The following KITLG variants were observed in gnomAD, a reference collection of about 807,000 sequenced individuals.
KITLG encodes the protein c-Kit ligand.
Under a neutral mutation model 34.1 loss-of-function variants are expected in KITLG, and 13 were observed. The ratio of observed to expected loss-of-function variants is 0.38; its 90% CI spans 0.25 to 0.61. KITLG has a LOEUF of 0.61. Ranked by LOEUF, KITLG falls within the 20% of genes least tolerant of loss-of-function variation. The pLI, the probability that KITLG is intolerant of heterozygous loss-of-function variation, is 0.60. For synonymous variants in KITLG, 110 were observed against 104.0 expected, an observed-to-expected ratio of 1.06 and a Z score of -0.35; for missense variants, 292 against 318.9, an observed-to-expected ratio of 0.92 and a Z score of 0.64.
intron 2 of KITLG, among the ~76,000 whole-genome samples, chr12:88,537,758 C>A: frequency 6.6e-6 from 1 of 152,060 alleles, no homozygotes; most frequent in East Asian, 1.9e-4. Context: ...TATTGACTCA[C>A]CTTCCAGAAA....
intron 1 of KITLG, among the ~76,000 whole-genome samples, chr12:88,553,659 A>G (rs906638): frequency 0.67 from 101,912 of 152,036 alleles, 37,326 homozygotes; most frequent in Middle Eastern, 0.86. Flanking sequence ...TTATTCCCCC[A>G]CAACACACAA....
chr12:88,580,236 T>A, intron 1 of KITLG, 28 bp downstream of exon 1: 1 of 1,602,048 alleles, frequency 6.2e-7, no homozygotes, highest in South Asian at 1.1e-5. Context: ...CTGGAGAGCC[T>A]GGGAGCTCCC....
rs1868655856 is a variant in KITLG, at chr12:88,496,774, A to T, written c.*445T>A. ...CCCTTTGAGAAAAATTGTTACCCTC[A>T]CTATCCAAGCTGAAATCTACTTGCA... On this transcript the variant is annotated 3_prime_UTR_variant, in exon 10 of 10. Transcript: ENST00000644744. 6.5e-6 allele frequency: 1 copy of T among 153,314 alleles called. No homozygotes were observed. The allele number at this position is 153,314 out of a possible 1,614,324, so 9.5% of individuals were successfully genotyped here. A position where few individuals can be genotyped will look rare whatever the true frequency, so the allele number is the denominator to read the frequency against.
At chr12:88,517,085 T>C (rs1448017947) in intron 4 of KITLG, among the ~76,000 whole-genome samples, 2 of 151,882 alleles carry the variant, frequency 1.3e-5, no homozygotes, top group African/African-American at 4.8e-5. Context: ...AAAAGTTTTT[T>C]TGCAGCAATA....
intron 3 of KITLG, among the ~76,000 whole-genome samples, chr12:88,528,709 T>A (rs1221441079): frequency 6.6e-6 from 1 of 152,060 alleles, no homozygotes; most frequent in African/African-American, 2.4e-5. Context: ...AGAAACATAA[T>A]AAAACACACA....
chr12:88,507,010 A>T lies in KITLG; in HGVS notation c.714+18T>A. 2.3e-6 allele frequency: 3 copies of T among 1,301,542 alleles called. No individual in the cohort carries two copies. Among genetic ancestry groups the T allele is most frequent in the Non-Finnish European group, 3.4e-6 (3 of 894,606 alleles). 80.6% of individuals were successfully genotyped at this position (1,301,542 alleles called of 1,614,324 possible). A position where few individuals can be genotyped will look rare whatever the true frequency, so the allele number is the denominator to read the frequency against. Reference sequence around the variant, plus strand: ...GTAAACATAGCATATTTTTAAAAAAAGGAATGGTACCACTTACCTTCCAGT... The same window carrying T: ...GTAAACATAGCATATTTTTAAAAAATGGAATGGTACCACTTACCTTCCAGT... On this transcript the variant is annotated intron_variant, in intron 7 of 9. Coordinates refer to ENST00000644744, the MANE Select transcript of KITLG (RefSeq NM_000899.5).
At chr12:88,565,019 C>CTT (rs1178970872) in intron 1 of KITLG, among the ~76,000 whole-genome samples, 1 of 152,148 alleles carries the variant, frequency 6.6e-6, no homozygotes. Context: ...AATCTCTGAT[C>CTT]TTATGTATTG....
chr12:88,556,218 CAAAA>C (rs5799868), intron 1 of KITLG, among the ~76,000 whole-genome samples: 1 of 125,036 alleles, frequency 8.0e-6, no homozygotes, highest in Non-Finnish European at 1.6e-5. Flanking sequence ...AAAGAATAAG[CAAAA>C]AAAAAAAAAA....
chr12:88,565,744 T>C (rs1020233475), intron 1 of KITLG, among the ~76,000 whole-genome samples: 1 of 152,196 alleles, frequency 6.6e-6, no homozygotes, highest in Non-Finnish European at 1.5e-5. Context: ...AGTTGTAAGA[T>C]GCTGAGAAAT....
chr12:88,497,231 T>G (rs569364184), intron 9 of KITLG, 50 bp from the exon 10 acceptor site: 1 of 368,344 alleles, frequency 2.7e-6, no homozygotes, highest in African/African-American at 2.2e-5. Flanking sequence ...GCCTTCTGCC[T>G]TTTTAAAAAT....
intron 3 of KITLG, among the ~76,000 whole-genome samples, chr12:88,524,307 C>T (rs1175884834): frequency 6.6e-6 from 1 of 152,084 alleles, no homozygotes; most frequent in African/African-American, 2.4e-5. Context: ...TATTTAGAGG[C>T]TGGAACTTTT....
chr12:88,550,882 A>G (rs1263822517), intron 1 of KITLG, among the ~76,000 whole-genome samples: 3 of 152,240 alleles, frequency 2.0e-5, no homozygotes, highest in Non-Finnish European at 4.4e-5. Context: ...AATTTTTAAT[A>G]TATGTCCTTT....
intron 7 of KITLG, 113 bp downstream of exon 7, chr12:88,506,915 T>A: frequency 2.8e-6 from 2 of 716,822 alleles, no homozygotes; most frequent in Non-Finnish European, 4.9e-6. Flanking sequence ...TTGTTTAGAT[T>A]ATAAGCTAAG....
chr12:88,503,121 C>T (rs1481640512), intron 9 of KITLG, among the ~76,000 whole-genome samples: 2 of 152,034 alleles, frequency 1.3e-5, no homozygotes, highest in African/African-American at 2.4e-5. Context: ...ATTCATGCTA[C>T]GGACATGTTA....
Position 88,496,555 on chromosome 12 carries a change from A to T in KITLG, c.*664T>A, listed in dbSNP as rs1868647709. ...GTACTGGCTCCCTTGCATAAATGGA[A>T]CCAGGCAACCATTTGCATTTGTATA... On this transcript the variant is annotated 3_prime_UTR_variant, in exon 10 of 10. Coordinates refer to ENST00000644744, the MANE Select transcript of KITLG (RefSeq NM_000899.5). 6.6e-6 allele frequency: 1 copy of T among 152,256 alleles called. No individual in the cohort carries two copies. Among genetic ancestry groups the T allele is most frequent in the Non-Finnish European group, 1.5e-5 (1 of 68,048 alleles). The allele number at this position is 152,256 out of a possible 1,614,324, so 9.4% of individuals were successfully genotyped here.
At chr12:88,545,235 A>C (rs1479432697) in intron 2 of KITLG, among the ~76,000 whole-genome samples, 1 of 152,194 alleles carries the variant, frequency 6.6e-6, no homozygotes, top group Non-Finnish European at 1.5e-5. Context: ...AGTCCCTTCA[A>C]CATGTGGGCA....
chr12:88,543,337 C>T (rs1303081695), intron 2 of KITLG, among the ~76,000 whole-genome samples: 2 of 152,140 alleles, frequency 1.3e-5, no homozygotes, highest in African/African-American at 4.8e-5. Flanking sequence ...GTTCAACTCC[C>T]ACTTATGAGT....
At chr12:88,555,046 T>C (rs1470243910) in intron 1 of KITLG, among the ~76,000 whole-genome samples, 3 of 152,084 alleles carry the variant, frequency 2.0e-5, no homozygotes, top group Non-Finnish European at 4.4e-5. Flanking sequence ...GGGTGATCAT[T>C]AAAATATGTA....
chr12:88,541,526 A>G (rs922477086), intron 2 of KITLG, among the ~76,000 whole-genome samples: 1 of 152,182 alleles, frequency 6.6e-6, no homozygotes, highest in Non-Finnish European at 1.5e-5. Context: ...AACTTTTTCA[A>G]TATCTGGATT....
Sources: gnomAD v4.1 joint callset for allele counts (sites outside exome capture counted in the v4.1 genomes callset) on GRCh38, gnomAD v4.1.1 for gene constraint, MANE v1.5 for transcripts, NCBI Gene and HGNC (gene_info 2026-07-23, HGNC 2026-07-21) for gene names.